Variants in SGCZ observed in about 807,000 individuals in gnomAD.
SGCZ encodes the protein zeta-sarcoglycan.
SGCZ carries 40 observed loss-of-function variants against 41.3 expected under a neutral mutation model. That is an observed-to-expected ratio of 0.97 (90% CI 0.75 to 1.26). SGCZ has a LOEUF of 1.26. Ranked by LOEUF, SGCZ falls within the 50% of genes most tolerant of loss-of-function variation. SGCZ has a pLI of 0.00. For synonymous variants in SGCZ, 206 were observed against 137.5 expected (o/e 1.50, Z -3.49); for missense variants, 552 against 369.8 (o/e 1.49, Z -4.04).
At chr8:14,344,701 A>C (rs1802831411) in intron 2 of SGCZ, among the ~76,000 whole-genome samples, 1 of 152,104 alleles carries the variant, frequency 6.6e-6, no homozygotes, top group South Asian at 2.1e-4. Flanking sequence ...ATGAATAACT[A>C]GAATTAATAT....
chr8:14,309,649 C>A, intron 3 of SGCZ: 2 of 1,610,682 alleles, frequency 1.2e-6, no homozygotes, highest in Non-Finnish European at 1.7e-6. Flanking sequence ...AGCGGCTCCA[C>A]CACTAAAAAT....
intron 1 of SGCZ, among the ~76,000 whole-genome samples, chr8:15,119,119 G>C (rs1468938659): frequency 6.6e-6 from 1 of 152,112 alleles, no homozygotes; most frequent in Admixed American, 6.5e-5. Flanking sequence ...CCTTTTAAGG[G>C]TGTAATGAGC....
chr8:14,615,568 T>G (rs1032928850), intron 1 of SGCZ, among the ~76,000 whole-genome samples: 5 of 152,234 alleles, frequency 3.3e-5, no homozygotes, highest in Admixed American at 6.5e-5. Flanking sequence ...CTGAAAACTT[T>G]GTACATTTCT....
At chr8:14,657,745 T>A (rs1259212707) in intron 1 of SGCZ, among the ~76,000 whole-genome samples, 1 of 152,192 alleles carries the variant, frequency 6.6e-6, no homozygotes, top group Non-Finnish European at 1.5e-5. Context: ...CATCAATGTA[T>A]CTTACAAATG....
intron 2 of SGCZ, among the ~76,000 whole-genome samples, chr8:14,491,295 A>G (rs187419438): frequency 7.1e-6 from 1 of 141,210 alleles, no homozygotes; most frequent in Admixed American, 7.7e-5. Flanking sequence ...ACACACACAC[A>G]CTCCAGTGGA....
intron 2 of SGCZ, among the ~76,000 whole-genome samples, chr8:14,382,728 T>C (rs974781613): frequency 3.9e-5 from 6 of 152,218 alleles, no homozygotes; most frequent in Non-Finnish European, 7.3e-5. Context: ...GGGCAAAGTA[T>C]TGAATACTTG....
chr8:14,375,694 C>T (rs1804095290), intron 2 of SGCZ, among the ~76,000 whole-genome samples: 1 of 152,030 alleles, frequency 6.6e-6, no homozygotes, highest in African/African-American at 2.4e-5. Context: ...ACCTCATACC[C>T]AAACATATGG....
intron 1 of SGCZ, among the ~76,000 whole-genome samples, chr8:14,608,063 C>T (rs567676766): frequency 6.6e-6 from 1 of 152,254 alleles, no homozygotes; most frequent in African/African-American, 2.4e-5. Flanking sequence ...GCAGGAAAAG[C>T]ATATCCTTAC....
chr8:15,233,339 AAAAAAAG>A (rs1802018086), intron 1 of SGCZ, among the ~76,000 whole-genome samples: 1 of 151,060 alleles, frequency 6.6e-6, no homozygotes, highest in African/African-American at 2.4e-5. Context: ...CAAAAAAAAA[AAAAAAAG>A]AAAGAAAGAA....
At chr8:14,186,313 CTG>C (rs541901366) in intron 4 of SGCZ, among the ~76,000 whole-genome samples, 107 of 152,334 alleles carry the variant, frequency 7.0e-4, no homozygotes, top group African/African-American at 2.4e-3. Flanking sequence ...CAGAGAGAGA[CTG>C]TATCATTTTA....
chr8:14,823,715 T>C (rs933277867), intron 1 of SGCZ, among the ~76,000 whole-genome samples: 2 of 152,192 alleles, frequency 1.3e-5, no homozygotes, highest in African/African-American at 4.8e-5. Flanking sequence ...CATCCAGCAA[T>C]TCCATTCCTG....
intron 1 of SGCZ, among the ~76,000 whole-genome samples, chr8:14,565,558 G>A (rs996305878): frequency 2.6e-5 from 4 of 152,044 alleles, no homozygotes; most frequent in African/African-American, 4.8e-5. Flanking sequence ...TCATTGGTGA[G>A]TCCTGCTGCA....
chr8:14,995,816 C>T (rs965435319), intron 1 of SGCZ, among the ~76,000 whole-genome samples: 1 of 152,064 alleles, frequency 6.6e-6, no homozygotes, highest in African/African-American at 2.4e-5. Context: ...TTAATCTCAC[C>T]AGAAAATATT....
At chr8:14,362,339 G>A (rs995011546) in intron 2 of SGCZ, among the ~76,000 whole-genome samples, 5 of 152,172 alleles carry the variant, frequency 3.3e-5, no homozygotes, top group Admixed American at 6.5e-5. Context: ...TGCCCAGTTC[G>A]AGCTTTCCTG....
intron 1 of SGCZ, among the ~76,000 whole-genome samples, chr8:14,952,236 A>G (rs2130837650): frequency 6.6e-6 from 1 of 152,306 alleles, no homozygotes; most frequent in South Asian, 2.1e-4. Context: ...GAAAACAGGA[A>G]TTATAAGCAT....
At chr8:14,678,103 G>A (rs959659542) in intron 1 of SGCZ, among the ~76,000 whole-genome samples, 1 of 152,118 alleles carries the variant, frequency 6.6e-6, no homozygotes, top group Non-Finnish European at 1.5e-5. Flanking sequence ...AGTAACATAG[G>A]AGAAAATCTA....
At chr8:14,603,251 G>A (rs767152015) in intron 1 of SGCZ, among the ~76,000 whole-genome samples, 4 of 151,990 alleles carry the variant, frequency 2.6e-5, no homozygotes, top group Admixed American at 6.6e-5. Flanking sequence ...ACTCAGCAAC[G>A]TTAGACATTG....
intron 1 of SGCZ, among the ~76,000 whole-genome samples, chr8:14,703,937 T>C (rs1383220085): frequency 6.6e-6 from 1 of 152,068 alleles, no homozygotes; most frequent in Non-Finnish European, 1.5e-5. Flanking sequence ...TTCCCTCTAA[T>C]TTTTCTGAAG....
At chr8:14,586,807 G>A (rs969660520) in intron 1 of SGCZ, among the ~76,000 whole-genome samples, 1 of 151,812 alleles carries the variant, frequency 6.6e-6, no homozygotes, top group Non-Finnish European at 1.5e-5. Context: ...TTAGTTCTTT[G>A]TTTTCTTCCC....
Sources: gnomAD v4.1 joint callset for allele counts (sites outside exome capture counted in the v4.1 genomes callset) on GRCh38, gnomAD v4.1.1 for gene constraint, MANE v1.5 for transcripts, NCBI Gene and HGNC (gene_info 2026-07-23, HGNC 2026-07-21) for gene names.